Variants in TSPAN13 observed in about 807,000 individuals in gnomAD.
TSPAN13 encodes tetraspanin 13, also known as tetraspanin-13.
TSPAN13 carries 18 observed loss-of-function variants against 26.9 expected under a neutral mutation model. That is an observed-to-expected ratio of 0.67 (90% CI 0.46 to 0.99). The LOEUF is 0.99. Ranked by LOEUF, TSPAN13 falls within the 50% of genes least tolerant of loss-of-function variation. TSPAN13 has a pLI of 0.00. For missense variants in TSPAN13, 201 were observed against 249.6 expected, an observed-to-expected ratio of 0.81 and a Z score of 1.31; for synonymous variants, 116 against 98.4, an observed-to-expected ratio of 1.18 and a Z score of -1.06.
intron 1 of TSPAN13, among the ~76,000 whole-genome samples, chr7:16,755,710 C>T (rs1784474921): frequency 6.6e-6 from 1 of 151,984 alleles, no homozygotes; most frequent in South Asian, 2.1e-4. Context: ...ACTTTGCATA[C>T]TTACTTCACT....
At chr7:16,781,853 T>C (rs1468264518) in intron 5 of TSPAN13, among the ~76,000 whole-genome samples, 1 of 152,172 alleles carries the variant, frequency 6.6e-6, no homozygotes, top group Non-Finnish European at 1.5e-5. Context: ...AAATAGTTGT[T>C]TAACTACAGA....
intron 1 of TSPAN13, among the ~76,000 whole-genome samples, chr7:16,757,591 T>C (rs1784494257): frequency 6.6e-6 from 1 of 152,166 alleles, no homozygotes; most frequent in South Asian, 2.1e-4. Context: ...TTTTAAGAGT[T>C]GCCCTGCCAG....
At chr7:16,768,573 G>A (rs1166917368) in intron 1 of TSPAN13, among the ~76,000 whole-genome samples, 1 of 152,202 alleles carries the variant, frequency 6.6e-6, no homozygotes, top group Non-Finnish European at 1.5e-5. Context: ...TGCCATGTCA[G>A]TGTTATATGC....
At chr7:16,760,898 G>A (rs115355099) in intron 1 of TSPAN13, among the ~76,000 whole-genome samples, 10 of 152,110 alleles carry the variant, frequency 6.6e-5, no homozygotes, top group Admixed American at 2.6e-4. Context: ...AGGCAATGTC[G>A]CAGTCATTCT....
Position 16,783,404 on chromosome 7 carries a change from T to C in TSPAN13, c.541-13T>C. 2.5e-6 allele frequency: 4 copies of C among 1,611,062 alleles called. No homozygotes were observed. Among genetic ancestry groups the C allele is most frequent in the South Asian group, 1.1e-5 (1 of 90,632 alleles). On this transcript the variant is annotated splice_polypyrimidine_tract_variant and intron_variant, in intron 5 of 5. Transcript: ENST00000262067. Reference sequence around the variant, plus strand: ...TTCTTTTTCTTTACTTTATTTTTTTTTCCCCATTCCAGATCCTGGGTGTTT... The same window carrying C: ...TTCTTTTTCTTTACTTTATTTTTTTCTCCCCATTCCAGATCCTGGGTGTTT...
intron 1 of TSPAN13, among the ~76,000 whole-genome samples, chr7:16,767,055 C>T (rs74780324): frequency 0.015 from 2,253 of 152,236 alleles, 55 homozygotes; most frequent in African/African-American, 0.05. Context: ...CAGTCTGTCT[C>T]GGCCTCCCAA....
intron 1 of TSPAN13, among the ~76,000 whole-genome samples, chr7:16,772,291 AT>A (rs1368006853): frequency 6.6e-6 from 1 of 152,160 alleles, no homozygotes; most frequent in Non-Finnish European, 1.5e-5. Context: ...GAGGTTCCTG[AT>A]TTGTCAAACT....
At chr7:16,765,451 C>T (rs3823651) in intron 1 of TSPAN13, among the ~76,000 whole-genome samples, 19 of 152,122 alleles carry the variant, frequency 1.2e-4, no homozygotes, top group Admixed American at 1.2e-3. Context: ...CCTGTTTATT[C>T]CCCCTTCAGT....
At chr7:16,776,768 T>C (rs1784754533) in intron 2 of TSPAN13, among the ~76,000 whole-genome samples, 1 of 152,240 alleles carries the variant, frequency 6.6e-6, no homozygotes, top group African/African-American at 2.4e-5. Flanking sequence ...ATGTCTGTTT[T>C]GTAAATGTAA....
At chr7:16,768,813 T>A (rs537182879) in intron 1 of TSPAN13, among the ~76,000 whole-genome samples, 1 of 152,348 alleles carries the variant, frequency 6.6e-6, no homozygotes, top group African/African-American at 2.4e-5. Flanking sequence ...TGCTGGCTTA[T>A]TTAGATCTGT....
At position 16,753,950 on chromosome 7, in the gene TSPAN13, G is replaced by T; in HGVS notation, c.-18G>T. ...GAGTCGAATTTACGTGCAGCTGCCG[G>T]CAACCACAGGTTCCAAGATGGTTTG... On this transcript the variant is annotated 5_prime_UTR_variant, in exon 1 of 6. Transcript: ENST00000262067. The T allele has an allele frequency of 2.5e-6, 4 of 1,610,970 alleles. No individual in the cohort carries two copies. The highest frequency in any genetic ancestry group is 3.4e-6 in the Non-Finnish European group (4 of 1,178,616).
chr7:16,758,084 C>G (rs745914845), intron 1 of TSPAN13, among the ~76,000 whole-genome samples: 2 of 152,134 alleles, frequency 1.3e-5, no homozygotes, highest in Admixed American at 1.3e-4. Context: ...ATCCACCCGC[C>G]TCGGTCTCCC....
At chr7:16,759,848 C>T (rs1241762438) in intron 1 of TSPAN13, among the ~76,000 whole-genome samples, 1 of 152,044 alleles carries the variant, frequency 6.6e-6, no homozygotes, top group African/African-American at 2.4e-5. Flanking sequence ...ACCACCATAC[C>T]CAGCTAATTT....
chr7:16,753,858 C>T lies in TSPAN13; in HGVS notation c.-110C>T. 8.3e-7 allele frequency: 1 copy of T among 1,205,054 alleles called. No individual in the cohort carries two copies. Among genetic ancestry groups the T allele is most frequent in the Non-Finnish European group, 1.2e-6 (1 of 835,334 alleles). The allele number at this position is 1,205,054 out of a possible 1,614,324, so 74.6% of individuals were successfully genotyped here. On this transcript the variant is annotated 5_prime_UTR_variant, in exon 1 of 6. Coordinates refer to ENST00000262067, the MANE Select transcript of TSPAN13 (RefSeq NM_014399.4). Reference sequence around the variant, plus strand: ...GGCCCCGGCCCCCCACCCACGTCTGCGTTGCTGCCCCGCCTGGGCCAGGCC... The same window carrying T: ...GGCCCCGGCCCCCCACCCACGTCTGTGTTGCTGCCCCGCCTGGGCCAGGCC...
chr7:16,774,360 G>C (rs919716407), intron 1 of TSPAN13, among the ~76,000 whole-genome samples: 3 of 152,102 alleles, frequency 2.0e-5, no homozygotes, highest in African/African-American at 7.2e-5. Flanking sequence ...TGCACATGTG[G>C]CCCATCTTCA....
chr7:16,781,746 A>C (rs146027944), intron 5 of TSPAN13, among the ~76,000 whole-genome samples: 2 of 152,302 alleles, frequency 1.3e-5, no homozygotes, highest in East Asian at 3.9e-4. Flanking sequence ...ATCCTCAAAA[A>C]TTCTGACCAG....
chr7:16,767,413 TG>T (rs1303954242), intron 1 of TSPAN13, among the ~76,000 whole-genome samples: 1 of 152,254 alleles, frequency 6.6e-6, no homozygotes, highest in Admixed American at 6.5e-5. Flanking sequence ...AAAAATCATT[TG>T]TATTCTATTG....
At chr7:16,761,813 A>G (rs1475384671) in intron 1 of TSPAN13, among the ~76,000 whole-genome samples, 1 of 148,618 alleles carries the variant, frequency 6.7e-6, no homozygotes, top group Non-Finnish European at 1.5e-5. Flanking sequence ...GAGATTACAG[A>G]TGAGAGCCAC....
intron 1 of TSPAN13, among the ~76,000 whole-genome samples, chr7:16,759,723 G>T (rs181200061): frequency 1.4e-5 from 2 of 145,018 alleles, no homozygotes; most frequent in Non-Finnish European, 1.5e-5. Context: ...TTTTGATATA[G>T]GGTATTGCTC....
Sources: allele counts gnomAD v4.1 joint callset (sites outside exome capture counted in the v4.1 genomes callset), GRCh38; gene constraint gnomAD v4.1.1; transcripts MANE v1.5; gene names NCBI Gene and HGNC (gene_info 2026-07-23, HGNC 2026-07-21).